Variants in SCAPER observed in about 807,000 individuals in gnomAD.
SCAPER encodes S-phase cyclin A associated protein in the ER, also known as S phase cyclin A-associated protein in the endoplasmic reticulum.
In SCAPER, 98 loss-of-function variants were observed where a neutral mutation model predicts 182.2. The observed-to-expected ratio is 0.54, with a 90% CI of 0.46 to 0.64. SCAPER has a LOEUF of 0.64. Among genes scored for constraint, SCAPER ranks in the 30% least tolerant of loss-of-function variants. The pLI, the probability that SCAPER is intolerant of heterozygous loss-of-function variation, is 0.00. For missense variants in SCAPER, 1,432 were observed against 1,690.0 expected (o/e 0.85, Z 2.68); for synonymous variants, 605 against 564.6 (o/e 1.07, Z -1.01).
At chr15:76,454,908 GCTTT>G (rs1311023087) in intron 25 of SCAPER, among the ~76,000 whole-genome samples, 1 of 151,702 alleles carries the variant, frequency 6.6e-6, no homozygotes, top group Non-Finnish European at 1.5e-5. Context: ...AATTATTCAG[GCTTT>G]CTATTTCTTC....
chr15:76,903,426 G>A (rs1180148317), intron 1 of SCAPER, among the ~76,000 whole-genome samples: 1 of 152,138 alleles, frequency 6.6e-6, no homozygotes, highest in Non-Finnish European at 1.5e-5. Context: ...CAGGAGGTGG[G>A]GCCTTTGGGA....
intron 26 of SCAPER, among the ~76,000 whole-genome samples, chr15:76,429,053 G>C (rs1453646135): frequency 2.6e-5 from 4 of 151,500 alleles, no homozygotes; most frequent in Non-Finnish European, 5.9e-5. Flanking sequence ...TCTCATGATA[G>C]AGAATAAGTC....
intron 14 of SCAPER, among the ~76,000 whole-genome samples, chr15:76,756,536 C>T (rs2062445093): frequency 6.6e-6 from 1 of 152,096 alleles, no homozygotes; most frequent in Non-Finnish European, 1.5e-5. Flanking sequence ...TATGCTGCAT[C>T]ACTGCACTCC....
At chr15:76,569,884 TA>T (rs576663684) in intron 23 of SCAPER, among the ~76,000 whole-genome samples, 5 of 152,092 alleles carry the variant, frequency 3.3e-5, no homozygotes, top group Non-Finnish European at 5.9e-5. Flanking sequence ...TATATATCTT[TA>T]AAAATAATTA....
At chr15:76,435,871 G>A (rs1294212998) in intron 25 of SCAPER, among the ~76,000 whole-genome samples, 2 of 152,142 alleles carry the variant, frequency 1.3e-5, no homozygotes, top group Non-Finnish European at 2.9e-5. Context: ...ACGCCCTGTA[G>A]AACTTTGAAA....
At chr15:76,447,318 T>A (rs976431647) in intron 25 of SCAPER, among the ~76,000 whole-genome samples, 6 of 152,194 alleles carry the variant, frequency 3.9e-5, no homozygotes, top group Admixed American at 3.3e-4. Flanking sequence ...TAAATGTAAG[T>A]GTTTCCTTGA....
rs1387622773 is a variant in SCAPER, at chr15:76,603,832, T to C, written c.2711+17932A>G. Among the ~76,000 whole-genome samples, 11 of 122,380 alleles carry C rather than the reference T, an allele frequency of 9.0e-5. 1 individual carries two copies. In the South Asian group the frequency reaches 1.8e-3, roughly 20 times the overall value. 80.3% of individuals were successfully genotyped at this position (122,380 alleles called of 152,430 possible). The stretch of plus-strand genomic sequence containing the variant: ...CTGTTGGCTGCATAAATGTCTTCTT[T>C]TGAGAAGTATCTGTTCATATCCTTT... On this transcript the variant is annotated intron_variant, in intron 22 of 31. Coordinates refer to ENST00000563290, the MANE Select transcript of SCAPER (RefSeq NM_020843.4).
intron 1 of SCAPER, among the ~76,000 whole-genome samples, chr15:76,904,388 T>C (rs1360408288): frequency 6.6e-6 from 1 of 152,236 alleles, no homozygotes; most frequent in African/African-American, 2.4e-5. Flanking sequence ...GGAATTAGTA[T>C]CTGTTCGGTA....
At chr15:76,748,763 T>C (rs766311511) in intron 15 of SCAPER, among the ~76,000 whole-genome samples, 2 of 151,888 alleles carry the variant, frequency 1.3e-5, no homozygotes, top group African/African-American at 2.4e-5. Flanking sequence ...TCTACAGTAT[T>C]AGTCTTTGGG....
intron 21 of SCAPER, among the ~76,000 whole-genome samples, chr15:76,645,868 T>G (rs2054505047): frequency 6.6e-6 from 1 of 152,160 alleles, no homozygotes; most frequent in African/African-American, 2.4e-5. Context: ...TTAAAAATAT[T>G]TAAAAATTAG....
chr15:76,600,440 CAT>C (rs202157122), intron 22 of SCAPER, among the ~76,000 whole-genome samples: 2,679 of 49,708 alleles, frequency 0.054, 332 homozygotes, highest in African/African-American at 0.12. Context: ...TATACATATA[CAT>C]ATATATATAT....
intron 4 of SCAPER, among the ~76,000 whole-genome samples, chr15:76,849,416 C>A (rs535392619): frequency 2.6e-4 from 40 of 152,212 alleles, no homozygotes; most frequent in Non-Finnish European, 5.1e-4. Flanking sequence ...GTCCCGCCCA[C>A]CTCCTGTTCA....
At chr15:76,831,275 C>T (rs1204914384) in intron 5 of SCAPER, among the ~76,000 whole-genome samples, 1 of 152,076 alleles carries the variant, frequency 6.6e-6, no homozygotes, top group African/African-American at 2.4e-5. Context: ...CTAAATGCTC[C>T]CATTTGCTGG....
chr15:76,553,909 C>T (rs538026522), intron 23 of SCAPER, among the ~76,000 whole-genome samples: 15 of 152,320 alleles, frequency 9.8e-5, no homozygotes, highest in African/African-American at 3.6e-4. Flanking sequence ...TCTGGCAACT[C>T]AAAAAGCCAG....
At chr15:76,473,237 C>T (rs551207250) in intron 24 of SCAPER, among the ~76,000 whole-genome samples, 2 of 152,256 alleles carry the variant, frequency 1.3e-5, no homozygotes, top group African/African-American at 4.8e-5. Flanking sequence ...AGTGGCTTTC[C>T]GATTTTGCTA....
At chr15:76,749,979 T>C (rs2061999504) in intron 15 of SCAPER, among the ~76,000 whole-genome samples, 1 of 151,882 alleles carries the variant, frequency 6.6e-6, no homozygotes, top group African/African-American at 2.4e-5. Flanking sequence ...CTGATTTCAA[T>C]TTATTATAAA....
intron 27 of SCAPER, among the ~76,000 whole-genome samples, chr15:76,382,219 C>T (rs1442798894): frequency 6.6e-6 from 1 of 152,128 alleles, no homozygotes; most frequent in Non-Finnish European, 1.5e-5. Flanking sequence ...ATGAAGTCAG[C>T]TTAGCTACCA....
At chr15:76,659,578 C>T (rs2055956447) in intron 21 of SCAPER, among the ~76,000 whole-genome samples, 3 of 152,150 alleles carry the variant, frequency 2.0e-5, no homozygotes, top group Admixed American at 2.0e-4. Context: ...CCGGAACAGA[C>T]ACATTTTTAA....
intron 8 of SCAPER, among the ~76,000 whole-genome samples, chr15:76,787,902 C>T (rs752999307): frequency 1.8e-4 from 28 of 151,892 alleles, no homozygotes; most frequent in Admixed American, 3.3e-4. Flanking sequence ...TGCAAAACAC[C>T]CTGTGAAGAA....
Sources: allele counts gnomAD v4.1 joint callset (sites outside exome capture counted in the v4.1 genomes callset), GRCh38; gene constraint gnomAD v4.1.1; transcripts MANE v1.5; gene names NCBI Gene and HGNC (gene_info 2026-07-23, HGNC 2026-07-21).